The following EXT1 variants were observed in gnomAD, a reference collection of about 807,000 sequenced individuals.
EXT1 encodes the protein exostosin glycosyltransferase 1.
EXT1 carries 20 observed loss-of-function variants against 82.5 expected under a neutral mutation model. That is an observed-to-expected ratio of 0.24 (90% CI 0.17 to 0.35). The LOEUF is 0.35. Among genes scored for constraint, EXT1 ranks in the 10% least tolerant of loss-of-function variants. The pLI, the probability that EXT1 is intolerant of heterozygous loss-of-function variation, is 1.00. For missense variants in EXT1, 757 were observed against 936.5 expected (o/e 0.81, Z 2.50); for synonymous variants, 348 against 350.8 (o/e 0.99, Z 0.09).
At chr8:118,020,355 G>C (rs1816078476) in intron 1 of EXT1, among the ~76,000 whole-genome samples, 1 of 152,076 alleles carries the variant, frequency 6.6e-6, no homozygotes, top group South Asian at 2.1e-4. Flanking sequence ...AAAAGACTCT[G>C]GTCTTTACAT....
At position 117,837,090 on chromosome 8, in the gene EXT1, G is replaced by A. The variant is rs1331426730; in HGVS notation, c.1056+18C>T. On this transcript the variant is annotated intron_variant, in intron 2 of 10. Transcript: ENST00000378204. Reference sequence around the variant, plus strand: ...TCGGTCCTCAGCCCTATTCTGGGAAGGCTCCAGGGCCTCTTACCTGCAAAG... The same window carrying A: ...TCGGTCCTCAGCCCTATTCTGGGAAAGCTCCAGGGCCTCTTACCTGCAAAG... The A allele has an allele frequency of 6.2e-7, 1 of 1,601,068 alleles. No individual in the cohort carries two copies. Among genetic ancestry groups the A allele is most frequent in the East Asian group, 2.2e-5 (1 of 44,810 alleles).
intron 1 of EXT1, among the ~76,000 whole-genome samples, chr8:117,971,880 G>T (rs1174762688): frequency 6.6e-6 from 1 of 152,232 alleles, no homozygotes; most frequent in African/African-American, 2.4e-5. Flanking sequence ...ACCGGGTGCG[G>T]TGGCTCACGC....
At chr8:117,928,742 T>G (rs7840309) in intron 1 of EXT1, among the ~76,000 whole-genome samples, 131,713 of 151,860 alleles carry the variant, frequency 0.87, 57,653 homozygotes, top group Middle Eastern at 0.97. Flanking sequence ...AGCCTGTGGG[T>G]TCTCTTGACA....
rs1197258087 is a variant in EXT1 at position 117,980,694 on chromosome 8, GGTGGTTTTTTTTTTTTTTTTT to G, written c.962+129370_962+129390del. Among the ~76,000 whole-genome samples, 121 of 123,400 alleles carry G rather than the reference GGTGGTTTTTTTTTTTTTTTTT, an allele frequency of 9.8e-4. 4 individuals carry two copies. The highest frequency in any genetic ancestry group is 2.8e-3 in the East Asian group (11 of 3,916). 81.0% of individuals were successfully genotyped at this position (123,400 alleles called of 152,430 possible). ...GGGAAGGTTTGTTTGTTCGGGTGTT[GGTGGTTTTTTTTTTTTTTTTT>G]TTTTTTTTTTTTTTTTCCAGTGTGA... On this transcript the variant is annotated intron_variant, in intron 1 of 10. Transcript: ENST00000378204.
chr8:117,968,918 G>A (rs903242443), intron 1 of EXT1, among the ~76,000 whole-genome samples: 1 of 152,106 alleles, frequency 6.6e-6, no homozygotes, highest in African/African-American at 2.4e-5. Context: ...ACTACCTATT[G>A]TATACAGCTC....
chr8:117,969,251 C>CTA (rs1229847379), intron 1 of EXT1, among the ~76,000 whole-genome samples: 1 of 152,178 alleles, frequency 6.6e-6, no homozygotes, highest in East Asian at 1.9e-4. Flanking sequence ...TCCTTTTATA[C>CTA]TATTTTAAGA....
chr8:118,107,843 C>A (rs988951122), intron 1 of EXT1, among the ~76,000 whole-genome samples: 11 of 152,170 alleles, frequency 7.2e-5, no homozygotes, highest in South Asian at 4.1e-4. Context: ...GCAGCACCAT[C>A]CCGGGCTACA....
intron 1 of EXT1, among the ~76,000 whole-genome samples, chr8:117,858,795 CAAGGCAAGGCAAGGCAGG>C (rs1260329253): frequency 1.4e-5 from 1 of 69,474 alleles, no homozygotes; most frequent in African/African-American, 7.7e-5. Context: ...GCAGGCAAGG[CAAGGCAAGGCAAGGCAGG>C]AAGGAAGGAA....
chr8:118,009,937 T>C (rs888854324), intron 1 of EXT1, among the ~76,000 whole-genome samples: 1 of 152,130 alleles, frequency 6.6e-6, no homozygotes. Flanking sequence ...CAAGGAGGTC[T>C]TCAACTGCTG....
chr8:118,083,309 C>A (rs1055068114), intron 1 of EXT1, among the ~76,000 whole-genome samples: 1 of 152,176 alleles, frequency 6.6e-6, no homozygotes, highest in African/African-American at 2.4e-5. Flanking sequence ...GTAATCTCCA[C>A]AATTAAAGAA....
intron 1 of EXT1, among the ~76,000 whole-genome samples, chr8:117,842,270 G>T (rs937284317): frequency 6.6e-6 from 1 of 152,136 alleles, no homozygotes; most frequent in African/African-American, 2.4e-5. Flanking sequence ...TTCTTGGTTG[G>T]CAAAATGGGG....
chr8:117,925,838 C>T (rs574922403), intron 1 of EXT1, among the ~76,000 whole-genome samples: 1 of 152,028 alleles, frequency 6.6e-6, no homozygotes, highest in Non-Finnish European at 1.5e-5. Context: ...GTTGAGGCTG[C>T]GGTGAACCAA....
intron 1 of EXT1, among the ~76,000 whole-genome samples, chr8:117,886,753 T>C (rs1380292959): frequency 6.6e-6 from 1 of 152,228 alleles, no homozygotes; most frequent in Non-Finnish European, 1.5e-5. Context: ...TTATGTCCAT[T>C]CCCATTTGTC....
intron 7 of EXT1, among the ~76,000 whole-genome samples, chr8:117,815,333 G>T (rs1284216944): frequency 6.6e-6 from 1 of 152,188 alleles, no homozygotes; most frequent in African/African-American, 2.4e-5. Context: ...AATGGAGAAT[G>T]AGGAAGATGT....
chr8:117,818,252 C>A (rs959516117), intron 7 of EXT1, among the ~76,000 whole-genome samples, 183 bp downstream of exon 7: 1 of 152,166 alleles, frequency 6.6e-6, no homozygotes, highest in African/African-American at 2.4e-5. Context: ...GGTATCAAGA[C>A]CCAGATTTCC....
intron 1 of EXT1, among the ~76,000 whole-genome samples, chr8:117,983,858 C>T (rs1161824560): frequency 6.6e-6 from 1 of 152,192 alleles, no homozygotes; most frequent in Non-Finnish European, 1.5e-5. Context: ...AATTTATCAA[C>T]GTTGGCTGAT....
At position 117,858,805 on chromosome 8, in the gene EXT1, C is replaced by CAGGAAGGAAGG. The variant is rs1460308167; in HGVS notation, c.963-21605_963-21604insCCTTCCTTCCT. Reference sequence around the variant, plus strand: ...GGCAGGCAGGCAAGGCAAGGCAAGGCAAGGCAGGAAGGAAGGAAGGAAGGA... The same window carrying CAGGAAGGAAGG: ...GGCAGGCAGGCAAGGCAAGGCAAGGCAGGAAGGAAGGAAGGCAGGAAGGAAGGAAGGAAGGA... On this transcript the variant is annotated intron_variant, in intron 1 of 10. Transcript: ENST00000378204. Among the ~76,000 whole-genome samples, 93 of 66,672 alleles carry CAGGAAGGAAGG rather than the reference C, an allele frequency of 1.4e-3. 6 individuals carry two copies. Among genetic ancestry groups the CAGGAAGGAAGG allele is most frequent in the African/African-American group, 1.8e-3 (21 of 11,814 alleles). 43.7% of individuals were successfully genotyped at this position (66,672 alleles called of 152,430 possible). A position where few individuals can be genotyped will look rare whatever the true frequency, so the allele number is the denominator to read the frequency against.
intron 1 of EXT1, among the ~76,000 whole-genome samples, chr8:118,027,285 G>A (rs992020017): frequency 1.3e-5 from 2 of 150,692 alleles, no homozygotes; most frequent in African/African-American, 4.9e-5. Flanking sequence ...TTTATAGAGG[G>A]GTTTTCGAGT....
chr8:117,936,993 A>G (rs532102913), intron 1 of EXT1, among the ~76,000 whole-genome samples: 1 of 152,264 alleles, frequency 6.6e-6, no homozygotes, highest in Non-Finnish European at 1.5e-5. Context: ...AGCACCTGCC[A>G]CACAGGAGAT....
Sources: allele counts gnomAD v4.1 joint callset (sites outside exome capture counted in the v4.1 genomes callset), GRCh38; gene constraint gnomAD v4.1.1; transcripts MANE v1.5; gene names NCBI Gene and HGNC (gene_info 2026-07-23, HGNC 2026-07-21).